The following RERE variants were observed in gnomAD, a reference collection of about 807,000 sequenced individuals.
RERE encodes arginine-glutamic acid dipeptide repeats protein.
RERE carries 40 observed loss-of-function variants against 146.1 expected under a neutral mutation model. That is an observed-to-expected ratio of 0.27 (90% CI 0.21 to 0.36). The LOEUF is 0.36. Ranked by LOEUF, RERE falls within the 10% of genes least tolerant of loss-of-function variation. The pLI is 1.00. For missense variants in RERE, 1,933 were observed against 2,138.7 expected (o/e 0.90, Z 1.90); for synonymous variants, 1,003 against 866.0 (o/e 1.16, Z -2.78).
At chr1:8,545,962 T>C (rs1645854416) in intron 6 of RERE, among the ~76,000 whole-genome samples, 1 of 143,680 alleles carries the variant, frequency 7.0e-6, no homozygotes, top group African/African-American at 2.6e-5. Context: ...GGATTACAGG[T>C]GCAAGCTACC....
chr1:8,704,360 A>G (rs1390559972), intron 1 of RERE, among the ~76,000 whole-genome samples: 1 of 152,258 alleles, frequency 6.6e-6, no homozygotes, highest in Non-Finnish European at 1.5e-5. Flanking sequence ...CTAACTATTA[A>G]GTTCACTCAG....
At position 8,422,940 on chromosome 1, in the gene RERE, G is replaced by A. The variant is rs1342749394; in HGVS notation, c.1204-133C>T. ...GGCTAGGGAATACTGCCGAGGCTCG[G>A]AGAGTATGTCAGCAGCTCAGCTGGG... is the stretch of plus-strand genomic sequence containing the variant. On this transcript the variant is annotated intron_variant, in intron 11 of 22. Transcript: ENST00000400908. 4.4e-6 allele frequency: 3 copies of A among 675,472 alleles called. No individual in the cohort carries two copies. In the Admixed American group the frequency reaches 6.8e-5, roughly 15 times the overall value. The allele number at this position is 675,472 out of a possible 1,614,324, so 41.8% of individuals were successfully genotyped here.
intron 2 of RERE, among the ~76,000 whole-genome samples, chr1:8,639,497 C>A (rs552312476): frequency 2.6e-5 from 4 of 152,302 alleles, no homozygotes; most frequent in African/African-American, 9.6e-5. Context: ...CAAATATCTT[C>A]CAGCCAGTCC....
In RERE at chr1:8,360,818, A is replaced by T. The variant is rs1641540727; in HGVS notation, c.2689T>A (p.Ser897Thr). ...GACTGAGAGGCTGGCAGCTGCAGGGAGGTGTGAGGGTACGCTGCTGCTGGG... is the reference window on the plus strand; with the variant it reads ...GACTGAGAGGCTGGCAGCTGCAGGGTGGTGTGAGGGTACGCTGCTGCTGGG... ...TSPAAAYPHTSLQLPASQSAL... is the reference protein window; with the variant it reads ...TSPAAAYPHTTLQLPASQSAL... Residue 897 changes from serine to threonine, a missense_variant, in exon 18 of 23, where the codon TCC becomes ACC. Physicochemically the swap from Ser to Thr is moderately conservative, Grantham distance 58. Transcript: ENST00000400908. 1.3e-6 allele frequency: 2 copies of T among 1,561,416 alleles called. No homozygotes were observed. Among genetic ancestry groups the T allele is most frequent in the African/African-American group, 2.7e-5 (2 of 73,854 alleles).
rs1363324605 is a variant in RERE, at chr1:8,356,930, C to T, written c.4340-684G>A. Among the ~76,000 whole-genome samples, 2 of 152,186 alleles carry T rather than the reference C, an allele frequency of 1.3e-5. No homozygotes were observed. Among genetic ancestry groups the T allele is most frequent in the Admixed American group, 1.3e-4 (2 of 15,274 alleles). ...GGAAGATTGGGAGCCCCCGCTCTGC[C>T]TCTGTGGCTGCTCTTGCCCCGATTT... On this transcript the variant is annotated intron_variant, in intron 20 of 22. Coordinates refer to ENST00000400908, the MANE Select transcript of RERE (RefSeq NM_001042681.2). The surrounding 1 kb of genome is among the most constrained non-coding windows in gnomAD (Gnocchi z 5.2).
At chr1:8,371,173 G>C (rs1286083964) in intron 12 of RERE, among the ~76,000 whole-genome samples, 1 of 152,150 alleles carries the variant, frequency 6.6e-6, no homozygotes, top group Non-Finnish European at 1.5e-5. Context: ...CAAGAGAAGT[G>C]CTCAAATCCA....
At chr1:8,808,782 T>C (rs1641736789) in intron 1 of RERE, among the ~76,000 whole-genome samples, 1 of 152,094 alleles carries the variant, frequency 6.6e-6, no homozygotes, top group South Asian at 2.1e-4. Context: ...ACAACACAGA[T>C]CTGCATCTCC....
At chr1:8,443,955 G>A (rs1644285591) in intron 11 of RERE, among the ~76,000 whole-genome samples, 1 of 152,238 alleles carries the variant, frequency 6.6e-6, no homozygotes, top group Non-Finnish European at 1.5e-5. Context: ...CCCTCACACA[G>A]ATACTCTACT....
intron 1 of RERE, among the ~76,000 whole-genome samples, chr1:8,744,130 T>C (rs1051371929): frequency 3.3e-5 from 5 of 152,150 alleles, no homozygotes; most frequent in African/African-American, 1.2e-4. Flanking sequence ...GGACATACTT[T>C]TAAGAGATGA....
intron 1 of RERE, among the ~76,000 whole-genome samples, chr1:8,660,410 T>C (rs1329517110): frequency 6.6e-6 from 1 of 152,190 alleles, no homozygotes; most frequent in Non-Finnish European, 1.5e-5. Flanking sequence ...GCATCTTTAT[T>C]ATAGCACCAT....
intron 4 of RERE, among the ~76,000 whole-genome samples, chr1:8,613,716 T>C (rs1646818252): frequency 6.6e-6 from 1 of 152,230 alleles, no homozygotes; most frequent in Admixed American, 6.5e-5. Flanking sequence ...CCACAGTCAC[T>C]TCTTTACACT....
In RERE at chr1:8,352,644, G is replaced by C. The variant is rs1557577001; in HGVS notation, c.*2443C>G. ...GCTCAACCTCGAGGACACCGAACAA[G>C]ATACGGACACACACAGAGGAGCCAA... On this transcript the variant is annotated 3_prime_UTR_variant, in exon 23 of 23. Transcript: ENST00000400908. The C allele has an allele frequency of 1.3e-5, 2 of 152,326 alleles. No homozygotes were observed. Among genetic ancestry groups the C allele is most frequent in the African/African-American group, 2.4e-5 (1 of 41,428 alleles). 9.4% of individuals were successfully genotyped at this position (152,326 alleles called of 1,614,324 possible).
chr1:8,360,563 A>G lies in RERE; in HGVS notation c.2944T>C (p.Ser982Pro). The change falls in exon 18 of 23, where the codon TCG becomes CCG. Residue 982 changes from serine (S) to proline (P), a missense_variant. Physicochemically the swap from Ser to Pro is moderately conservative, Grantham distance 74 (BLOSUM62 -1). Around this residue, in one of 11 missense-constraint regions of RERE, gnomAD observed 1,255 missense variants for 1,153.8 expected, o/e 1.09. Coordinates refer to ENST00000400908, the MANE Select transcript of RERE (RefSeq NM_001042681.2). ...AGTTGCAGGGGTGGGGGGTGAGCCGACGGGGGGTGATGTGTGGACAGGGAG... is the reference window on the plus strand; with the variant it reads ...AGTTGCAGGGGTGGGGGGTGAGCCGGCGGGGGGTGATGTGTGGACAGGGAG... ...LSSLSTHHPP[S>P]AHPPPLQLMP... 1 of 561,652 alleles carries G rather than the reference A, an allele frequency of 1.8e-6. No homozygotes were observed. 34.8% of individuals were successfully genotyped at this position (561,652 alleles called of 1,614,324 possible).
At position 8,714,960 on chromosome 1, in the gene RERE, G is replaced by T. The variant is rs1372306135; in HGVS notation, c.-144-58519C>A. Among the ~76,000 whole-genome samples the T allele has an allele frequency of 3.3e-5, 5 of 151,606 alleles. No individual in the cohort carries two copies. The East Asian group carries it at 9.8e-4, about 30-fold the overall frequency. On this transcript the variant is annotated intron_variant, in intron 1 of 22. Transcript: ENST00000400908. ...GCGATCCTGGCTCACTGCAACCTCC[G>T]CCTCCTGGGTTCAAGTGATTCTCCT...
chr1:8,800,831 G>C lies in RERE; in HGVS notation c.-145+16329C>G, dbSNP rs573966229. Among the ~76,000 whole-genome samples the C allele has an allele frequency of 2.0e-5, 3 of 152,266 alleles. No individual in the cohort carries two copies. The South Asian group carries it at 6.2e-4, about 32-fold the overall frequency. On this transcript the variant is annotated intron_variant, in intron 1 of 22. Coordinates refer to ENST00000400908, the MANE Select transcript of RERE (RefSeq NM_001042681.2). The stretch of plus-strand genomic sequence containing the variant: ...AATACAAAAATTAGCTGGGTGTGGT[G>C]GCACACGCCTGTAGTCCCAGCTATT...
intron 10 of RERE, among the ~76,000 whole-genome samples, chr1:8,494,057 GTGT>G (rs1201039591): frequency 1.3e-5 from 2 of 152,318 alleles, no homozygotes; most frequent in East Asian, 1.9e-4. Context: ...TTGCAGCAGT[GTGT>G]TGTTATCTGA....
intron 4 of RERE, among the ~76,000 whole-genome samples, chr1:8,593,908 G>A (rs1285829688): frequency 6.6e-6 from 1 of 152,128 alleles, no homozygotes; most frequent in Non-Finnish European, 1.5e-5. Flanking sequence ...GGGGCAGACA[G>A]GAGGAGACTA....
chr1:8,536,934 G>C (rs376956489), intron 7 of RERE, among the ~76,000 whole-genome samples: 1 of 152,076 alleles, frequency 6.6e-6, no homozygotes, highest in Non-Finnish European at 1.5e-5. Context: ...TGAGTGGAGC[G>C]GCTCATACCT....
intron 1 of RERE, among the ~76,000 whole-genome samples, chr1:8,737,391 C>A (rs1459668691): frequency 6.6e-6 from 1 of 152,160 alleles, no homozygotes; most frequent in East Asian, 1.9e-4. Context: ...CGTTTTCCCT[C>A]CAAAAGAATC....
Sources: gnomAD v4.1 joint callset for allele counts (sites outside exome capture counted in the v4.1 genomes callset) on GRCh38, gnomAD v4.1.1 for gene constraint, gnomAD v4.1.1 regional missense constraint, Gnocchi (gnomAD v3.1) non-coding constraint, MANE v1.5 for transcripts, NCBI Gene and HGNC (gene_info 2026-07-23, HGNC 2026-07-21) for gene names.